GPM6A: variants seen among roughly 807,000 people sequenced by gnomAD.
GPM6A encodes the protein glycoprotein M6A.
Under a neutral mutation model 32.1 loss-of-function variants are expected in GPM6A, and 7 were observed. The observed-to-expected ratio is 0.22, with a 90% CI of 0.12 to 0.41. The LOEUF (loss-of-function observed/expected upper bound fraction) is 0.41, where lower values mean the gene tolerates loss of function less well. GPM6A is among the 10% of genes least tolerant of loss of function. The probability of loss-of-function intolerance (pLI) is 1.00; values close to 1 mark genes in which losing one functional copy is unlikely to be tolerated. For missense variants in GPM6A, 235 were observed against 347.2 expected, an observed-to-expected ratio of 0.68 and a Z score of 2.57; for synonymous variants, 130 against 123.4, an observed-to-expected ratio of 1.05 and a Z score of -0.35.
intron 2 of GPM6A, among the ~76,000 whole-genome samples, chr4:175,674,137 A>C (rs982198224): frequency 7.2e-5 from 11 of 152,084 alleles, no homozygotes; most frequent in African/African-American, 2.7e-4. Context: ...ATAAGCAATA[A>C]ATTATACTTC....
At chr4:175,686,799 T>C (rs1744004488) in intron 2 of GPM6A, among the ~76,000 whole-genome samples, 1 of 152,276 alleles carries the variant, frequency 6.6e-6, no homozygotes. Flanking sequence ...CTTTTTGTTC[T>C]GTATGTAAAG....
intron 1 of GPM6A, among the ~76,000 whole-genome samples, chr4:175,856,933 G>A (rs368821271): frequency 1.1e-3 from 171 of 152,184 alleles, no homozygotes; most frequent in African/African-American, 4.0e-3. Flanking sequence ...GGTAGCATTC[G>A]GGCAGGAAAA....
At chr4:175,637,662 T>C (rs1465991403) in intron 6 of GPM6A, among the ~76,000 whole-genome samples, 1 of 15,476 alleles carries the variant, frequency 6.5e-5, no homozygotes, top group Non-Finnish European at 2.3e-4. Context: ...ATATAAAATA[T>C]ATAATATATA....
At chr4:175,664,630 T>A (rs1742630804) in intron 3 of GPM6A, among the ~76,000 whole-genome samples, 1 of 152,204 alleles carries the variant, frequency 6.6e-6, no homozygotes, top group Non-Finnish European at 1.5e-5. Context: ...GAGTTTTGCA[T>A]CTACTTAACC....
At chr4:175,816,155 C>T (rs1735094120), upstream of GPM6A, among the ~76,000 whole-genome samples, 1 of 152,184 alleles carries the variant, frequency 6.6e-6, no homozygotes, top group Admixed American at 6.5e-5. Context: ...CACATCACCG[C>T]ACTGCAGCCT....
At chr4:175,850,919 A>G (rs1736233764) in intron 1 of GPM6A, among the ~76,000 whole-genome samples, 1 of 151,360 alleles carries the variant, frequency 6.6e-6, no homozygotes, top group African/African-American at 2.4e-5. Context: ...GTATATCTAT[A>G]TTATATATGT....
intron 1 of GPM6A, among the ~76,000 whole-genome samples, chr4:175,751,636 G>T (rs1732340952): frequency 6.6e-6 from 1 of 152,056 alleles, no homozygotes; most frequent in Non-Finnish European, 1.5e-5. Flanking sequence ...TCTATTCTGT[G>T]CAAACTATAT....
chr4:175,965,134 A>G (rs2126410452), intron 1 of GPM6A, among the ~76,000 whole-genome samples: 1 of 152,354 alleles, frequency 6.6e-6, no homozygotes, highest in Middle Eastern at 3.4e-3. Flanking sequence ...AATCTCACGC[A>G]GAACATTCAC....
At chr4:176,000,938 C>T (rs546467981) in intron 1 of GPM6A, among the ~76,000 whole-genome samples, 10 of 152,260 alleles carry the variant, frequency 6.6e-5, no homozygotes, top group African/African-American at 1.9e-4. Context: ...AAAGACAGTC[C>T]TTCTTAAGAC....
In GPM6A at chr4:175,931,707, C is replaced by CATAT. The variant is rs1264423978; in HGVS notation, c.-23+70601_-23+70602insATAT. Among the ~76,000 whole-genome samples, 931 of 143,648 alleles carry CATAT rather than the reference C, an allele frequency of 6.5e-3. 5 individuals are homozygous for CATAT. Among genetic ancestry groups the CATAT allele is most frequent in the African/African-American group, 0.024 (880 of 36,354 alleles). The allele number at this position is 143,648 out of a possible 152,430, so 94.2% of individuals were successfully genotyped here. ...ACACACACACACACACACACACACA[C>CATAT]ACATATATATATATATATATAGCAG... is the stretch of plus-strand genomic sequence containing the variant. On this transcript the variant is annotated intron_variant, in intron 1 of 7. Transcript: ENST00000280187.
At chr4:175,960,242 T>C (rs1330117544) in intron 1 of GPM6A, among the ~76,000 whole-genome samples, 1 of 152,176 alleles carries the variant, frequency 6.6e-6, no homozygotes, top group African/African-American at 2.4e-5. Flanking sequence ...TTCAAATAAT[T>C]GTTATATAAG....
At position 175,689,623 on chromosome 4, in the gene GPM6A, T is replaced by C. The variant is rs553141070; in HGVS notation, c.230+11952A>G. ...ACTGGGTGGCATGTTCTGTACATGC[T>C]GTTATGCCATTGTTCTATGGTGTAA... On this transcript the variant is annotated intron_variant, in intron 2 of 6. Transcript: ENST00000393658. Among the ~76,000 whole-genome samples, 17 of 152,342 alleles carry C rather than the reference T, an allele frequency of 1.1e-4. No homozygotes were observed. In the South Asian group the frequency reaches 3.3e-3, roughly 30 times the overall value.
At chr4:175,974,001 G>T (rs1376620242) in intron 1 of GPM6A, among the ~76,000 whole-genome samples, 1 of 152,108 alleles carries the variant, frequency 6.6e-6, no homozygotes, top group Non-Finnish European at 1.5e-5. Context: ...GGGAGGCCGA[G>T]GCAGGTAGAT....
In GPM6A at chr4:175,634,931, T is replaced by G; in HGVS notation, c.811A>C (p.Lys271Gln). The change falls in exon 7 of 7, where the codon AAA becomes CAA. Residue 271 changes from lysine (K) to glutamine (Q), a missense_variant. Physicochemically the swap from Lys to Gln is moderately conservative, Grantham distance 53. Coordinates refer to ENST00000393658, the MANE Select transcript of GPM6A (RefSeq NM_201591.3). ...TATGTGTATGCATTGAGCCGCTCTT[T>G]GGAGCGAGTAGAGTGGATGTCATGA... is the stretch of plus-strand genomic sequence containing the variant. ...ELHDIHSTRS[K>Q]ERLNAYT 1 of 1,613,754 alleles carries G rather than the reference T, an allele frequency of 6.2e-7. No homozygotes were observed. Among genetic ancestry groups the G allele is most frequent in the Non-Finnish European group, 8.5e-7 (1 of 1,179,674 alleles).
chr4:175,935,081 G>A (rs1739175435), intron 1 of GPM6A, among the ~76,000 whole-genome samples: 2 of 152,262 alleles, frequency 1.3e-5, no homozygotes. Flanking sequence ...CTACTTTAAT[G>A]TGGATGATAT....
intron 3 of GPM6A, among the ~76,000 whole-genome samples, chr4:175,663,097 T>C (rs1473293184): frequency 6.6e-6 from 1 of 152,224 alleles, no homozygotes; most frequent in Non-Finnish European, 1.5e-5. Flanking sequence ...ATCTCTCACA[T>C]ATTTTTTATG....
chr4:175,926,040 T>C (rs1473973999), intron 1 of GPM6A, among the ~76,000 whole-genome samples: 3 of 151,994 alleles, frequency 2.0e-5, no homozygotes, highest in Non-Finnish European at 2.9e-5. Context: ...GTAGAAGAGA[T>C]GGAGTTTTGC....
chr4:175,944,714 C>A (rs375824370), intron 1 of GPM6A, among the ~76,000 whole-genome samples: 1 of 152,182 alleles, frequency 6.6e-6, no homozygotes, highest in Non-Finnish European at 1.5e-5. Context: ...CAGTTTCTGG[C>A]TTTTGCCTTT....
intron 1 of GPM6A, among the ~76,000 whole-genome samples, chr4:175,769,951 T>C (rs1245262092): frequency 1.3e-5 from 2 of 152,206 alleles, no homozygotes; most frequent in Admixed American, 1.3e-4. Context: ...AATAGCAAGG[T>C]GAATAATATC....
Sources: allele counts gnomAD v4.1 joint callset (sites outside exome capture counted in the v4.1 genomes callset), GRCh38; gene constraint gnomAD v4.1.1; transcripts MANE v1.5; gene names NCBI Gene and HGNC (gene_info 2026-07-23, HGNC 2026-07-21).